The following SOS2 variants were observed in gnomAD, a reference collection of about 807,000 sequenced individuals.
SOS2 encodes SOS Ras/Rho guanine nucleotide exchange factor 2, also known as son of sevenless homolog 2.
Under a neutral mutation model 148.2 loss-of-function variants are expected in SOS2, and 65 were observed. The ratio of observed to expected loss-of-function variants is 0.44; its 90% CI spans 0.36 to 0.54. The LOEUF (loss-of-function observed/expected upper bound fraction) is 0.54, where lower values mean the gene tolerates loss of function less well. Among genes scored for constraint, SOS2 ranks in the 20% least tolerant of loss-of-function variants. SOS2 has a pLI of 0.00. For missense variants in SOS2, 1,341 were observed against 1,590.2 expected, an observed-to-expected ratio of 0.84 and a Z score of 2.67; for synonymous variants, 539 against 537.1, an observed-to-expected ratio of 1.00 and a Z score of -0.05.
chr14:50,226,715 G>T (rs1478088505), intron 1 of SOS2, among the ~76,000 whole-genome samples: 1 of 152,114 alleles, frequency 6.6e-6, no homozygotes, highest in Non-Finnish European at 1.5e-5. Context: ...CAAGAAAACA[G>T]CCATGTTCTT....
intron 5 of SOS2, among the ~76,000 whole-genome samples, chr14:50,185,296 A>C (rs1446870474): frequency 6.6e-6 from 1 of 152,132 alleles, no homozygotes; most frequent in Non-Finnish European, 1.5e-5. Flanking sequence ...AATTGAGCTA[A>C]ATTATAGGAC....
rs143225143 is a variant in SOS2 at position 50,131,331 on chromosome 14, A to G, written c.3076-569T>C. On this transcript the variant is annotated intron_variant, in intron 19 of 22. Transcript: ENST00000216373. ...TCAGAAAACTTGAGTTAAGATCTCA[A>G]CTGTGCCAATATCTAGCTATGCAGC... 4.7e-4 allele frequency among the ~76,000 whole-genome samples: 72 copies of G among 152,308 alleles called. 2 individuals are homozygous for G. The highest frequency in any genetic ancestry group is 1.7e-3 in the African/African-American group (71 of 41,580).
chr14:50,123,403 T>G (rs1188983996), intron 21 of SOS2, among the ~76,000 whole-genome samples: 1 of 122,814 alleles, frequency 8.1e-6, no homozygotes, highest in Non-Finnish European at 1.7e-5. Context: ...TTTTTTGAGA[T>G]GGAGTTTCAC....
chr14:50,216,526 AG>A (rs1305790265), intron 1 of SOS2, among the ~76,000 whole-genome samples: 1 of 152,094 alleles, frequency 6.6e-6, no homozygotes, highest in Non-Finnish European at 1.5e-5. Flanking sequence ...TGGGAGGCCA[AG>A]GCAGGTAGAT....
chr14:50,158,872 G>T (rs1371815063), intron 10 of SOS2, among the ~76,000 whole-genome samples: 2 of 152,054 alleles, frequency 1.3e-5, no homozygotes, highest in East Asian at 1.9e-4. Flanking sequence ...AATAAGCGAG[G>T]ATTGTTTTCA....
intron 19 of SOS2, among the ~76,000 whole-genome samples, chr14:50,131,733 A>T (rs1206124042): frequency 6.6e-6 from 1 of 152,206 alleles, no homozygotes; most frequent in Non-Finnish European, 1.5e-5. Context: ...TACTTTATGA[A>T]AAGTTTATGG....
chr14:50,213,335 C>G (rs78719538), intron 1 of SOS2, among the ~76,000 whole-genome samples: 1,695 of 152,162 alleles, frequency 0.011, 16 homozygotes, highest in Non-Finnish European at 0.018. Context: ...GAAAAACACA[C>G]AAACAAGAAA....
intron 7 of SOS2, among the ~76,000 whole-genome samples, chr14:50,175,943 C>T (rs1285334829): frequency 6.6e-6 from 1 of 152,162 alleles, no homozygotes; most frequent in Non-Finnish European, 1.5e-5. Flanking sequence ...AAAAGTGCCA[C>T]CAATTTTCCT....
chr14:50,189,546 G>GGTA (rs1426372302), intron 4 of SOS2, among the ~76,000 whole-genome samples: 11 of 152,008 alleles, frequency 7.2e-5, no homozygotes, highest in Non-Finnish European at 1.3e-4. Flanking sequence ...TATTCAACAT[G>GGTA]GTAGTTCCTT....
chr14:50,216,550 G>T (rs574456013), intron 1 of SOS2, among the ~76,000 whole-genome samples: 54 of 152,186 alleles, frequency 3.5e-4, no homozygotes, highest in African/African-American at 1.2e-3. Flanking sequence ...CCTGAGGTCA[G>T]GAGTTTGAGA....
intron 2 of SOS2, among the ~76,000 whole-genome samples, 200 bp from the exon 3 acceptor site, chr14:50,201,284 A>G (rs779088741): frequency 7.9e-5 from 12 of 151,934 alleles, no homozygotes; most frequent in Non-Finnish European, 1.5e-4. Context: ...TGTAATCCCA[A>G]CACTTTGGGA....
At chr14:50,145,634 G>C in intron 14 of SOS2, 38 bp from the exon 15 acceptor site, 1 of 1,328,702 alleles carries the variant, frequency 7.5e-7, no homozygotes, top group Non-Finnish European at 1.0e-6. Context: ...AACCTATAAA[G>C]GATTTGTATT....
chr14:50,170,341 A>T (rs1374145769), intron 8 of SOS2, among the ~76,000 whole-genome samples: 1 of 152,178 alleles, frequency 6.6e-6, no homozygotes, highest in Non-Finnish European at 1.5e-5. Flanking sequence ...AAAGAAAAAA[A>T]ATCACTTCTT....
intron 1 of SOS2, among the ~76,000 whole-genome samples, chr14:50,209,956 C>A (rs1172610085): frequency 6.6e-6 from 1 of 152,140 alleles, no homozygotes; most frequent in African/African-American, 2.4e-5. Flanking sequence ...AAAATTGATA[C>A]ATGCAGTTAT....
intron 11 of SOS2, among the ~76,000 whole-genome samples, chr14:50,158,078 A>T (rs79386579): frequency 6.6e-6 from 1 of 152,236 alleles, no homozygotes; most frequent in East Asian, 1.9e-4. Context: ...ATTTGTAGGG[A>T]AACAGATGAA....
chr14:50,178,699 T>TATAC (rs1885618785), intron 7 of SOS2, among the ~76,000 whole-genome samples: 2 of 23,552 alleles, frequency 8.5e-5, no homozygotes, highest in South Asian at 1.7e-3. Flanking sequence ...TATATATATA[T>TATAC]ATATATATAT....
intron 21 of SOS2, among the ~76,000 whole-genome samples, chr14:50,123,386 T>TTG: frequency 6.8e-6 from 1 of 147,812 alleles, no homozygotes; most frequent in East Asian, 2.0e-4. Flanking sequence ...AGGGCTTTTT[T>TTG]TTTTTTTTTT....
At chr14:50,198,456 G>A (rs1045456686) in intron 4 of SOS2, among the ~76,000 whole-genome samples, 3 of 151,996 alleles carry the variant, frequency 2.0e-5, no homozygotes, top group Non-Finnish European at 2.9e-5. Flanking sequence ...TTATGGCATC[G>A]TACAATCGGT....
intron 19 of SOS2, among the ~76,000 whole-genome samples, chr14:50,131,842 TCAA>T (rs1883884631): frequency 6.6e-6 from 1 of 152,178 alleles, no homozygotes; most frequent in South Asian, 2.1e-4. Context: ...CGGCAGATCA[TCAA>T]CATCAATTTC....
Sources: allele counts gnomAD v4.1 joint callset (sites outside exome capture counted in the v4.1 genomes callset), GRCh38; gene constraint gnomAD v4.1.1; transcripts MANE v1.5; gene names NCBI Gene and HGNC (gene_info 2026-07-23, HGNC 2026-07-21).